NRXN1: variants seen among roughly 807,000 people sequenced by gnomAD.
NRXN1 encodes the protein neurexin 1, also known as neurexin-1.
Under a neutral mutation model 150.9 loss-of-function variants are expected in NRXN1, and 39 were observed. That is an observed-to-expected ratio of 0.26 (90% CI 0.20 to 0.34). The LOEUF is 0.34. NRXN1 is among the 10% of genes least tolerant of loss of function. The pLI is 1.00. For synonymous variants in NRXN1, 924 were observed against 757.0 expected (o/e 1.22, Z -3.62); for missense variants, 1,815 against 1,949.9 (o/e 0.93, Z 1.30).
chr2:50,865,610 G>C (rs1233567467), intron 5 of NRXN1, among the ~76,000 whole-genome samples: 1 of 137,598 alleles, frequency 7.3e-6, no homozygotes, highest in African/African-American at 2.7e-5. Context: ...GTGTGTGTGT[G>C]TGTGTAGTAG....
intron 17 of NRXN1, among the ~76,000 whole-genome samples, chr2:50,434,045 T>C (rs4971558): frequency 0.31 from 19,740 of 64,228 alleles, 3,132 homozygotes; most frequent in East Asian, 0.73. Context: ...TCTAAGCCAT[T>C]TTTTTTTTTT....
chr2:50,731,690 G>A lies in NRXN1; in HGVS notation c.833-108075C>T, dbSNP rs530995758. Among the ~76,000 whole-genome samples the A allele has an allele frequency of 3.3e-5, 5 of 152,232 alleles. No individual in the cohort carries two copies. In the South Asian group the frequency reaches 1.0e-3, roughly 32 times the overall value. ...TGTGTCAGACTAAGAGTGAAACCTG[G>A]AAACCTGCATTTCAAAGATACTTCC... On this transcript the variant is annotated intron_variant, in intron 5 of 22. Coordinates refer to ENST00000401669, the MANE Select transcript of NRXN1 (RefSeq NM_001330078.2).
intron 18 of NRXN1, among the ~76,000 whole-genome samples, chr2:50,215,742 G>C (rs12992667): frequency 0.12 from 18,832 of 151,938 alleles, 1,413 homozygotes; most frequent in East Asian, 0.16. Context: ...AAAAAATCAG[G>C]ACAATCTAAA....
At chr2:50,882,250 A>C (rs975698755) in intron 5 of NRXN1, among the ~76,000 whole-genome samples, 3 of 151,886 alleles carry the variant, frequency 2.0e-5, no homozygotes, top group African/African-American at 7.2e-5. Flanking sequence ...GTATTTTATC[A>C]CTAACATCAC....
intron 17 of NRXN1, among the ~76,000 whole-genome samples, chr2:50,264,910 C>T (rs1391753888): frequency 6.6e-6 from 1 of 152,048 alleles, no homozygotes; most frequent in Non-Finnish European, 1.5e-5. Context: ...CTTGACTAAT[C>T]ACATGTGAAA....
intron 5 of NRXN1, among the ~76,000 whole-genome samples, chr2:50,653,568 G>C (rs750736250): frequency 3.3e-5 from 5 of 151,848 alleles, no homozygotes; most frequent in Admixed American, 6.6e-5. Context: ...AGGCAGTTTT[G>C]GCCAAACTTA....
At chr2:50,461,232 G>A (rs1374022152) in intron 17 of NRXN1, among the ~76,000 whole-genome samples, 1 of 151,888 alleles carries the variant, frequency 6.6e-6, no homozygotes, top group African/African-American at 2.4e-5. Context: ...ATTCCTATCA[G>A]AAAGATTTTC....
chr2:50,604,089 T>C (rs1411255105), intron 8 of NRXN1, among the ~76,000 whole-genome samples: 1 of 152,186 alleles, frequency 6.6e-6, no homozygotes, highest in Non-Finnish European at 1.5e-5. Flanking sequence ...CTACACTGTA[T>C]CTCCCACTGG....
chr2:50,151,237 C>G (rs2058677883), intron 18 of NRXN1, among the ~76,000 whole-genome samples: 1 of 151,618 alleles, frequency 6.6e-6, no homozygotes, highest in South Asian at 2.1e-4. Flanking sequence ...ATTCTGGGAG[C>G]CAATAAATCT....
At chr2:50,148,704 G>A (rs957582182) in intron 18 of NRXN1, among the ~76,000 whole-genome samples, 1 of 151,698 alleles carries the variant, frequency 6.6e-6, no homozygotes, top group Non-Finnish European at 1.5e-5. Context: ...TGATGCTACT[G>A]TTCACACTGT....
chr2:50,382,705 A>T (rs2081057500), intron 17 of NRXN1, among the ~76,000 whole-genome samples: 1 of 152,186 alleles, frequency 6.6e-6, no homozygotes, highest in Admixed American at 6.5e-5. Context: ...TATACGTATC[A>T]TCTGAAGTTC....
At chr2:50,220,936 T>A (rs2152857697) in intron 18 of NRXN1, among the ~76,000 whole-genome samples, 1 of 152,092 alleles carries the variant, frequency 6.6e-6, no homozygotes, top group Non-Finnish European at 1.5e-5. Flanking sequence ...CAATTAAATA[T>A]CCTGCCCACC....
intron 21 of NRXN1, among the ~76,000 whole-genome samples, chr2:50,006,679 G>GT (rs1684821640): frequency 6.6e-6 from 1 of 152,144 alleles, no homozygotes; most frequent in Non-Finnish European, 1.5e-5. Context: ...AATGATGTAT[G>GT]TCAAGAATGT....
chr2:50,760,961 T>A (rs1487901281), intron 5 of NRXN1, among the ~76,000 whole-genome samples: 1 of 151,906 alleles, frequency 6.6e-6, no homozygotes, highest in Non-Finnish European at 1.5e-5. Context: ...TCACCTACAG[T>A]CTTGTTCTCT....
At chr2:50,874,205 G>C (rs1020194364) in intron 5 of NRXN1, among the ~76,000 whole-genome samples, 1 of 151,794 alleles carries the variant, frequency 6.6e-6, no homozygotes, top group Non-Finnish European at 1.5e-5. Flanking sequence ...TCTTGATTTA[G>C]GATTTTCACT....
At chr2:50,629,575 T>C (rs1054812993) in intron 5 of NRXN1, among the ~76,000 whole-genome samples, 1 of 151,738 alleles carries the variant, frequency 6.6e-6, no homozygotes, top group African/African-American at 2.4e-5. Flanking sequence ...TTAATTTACC[T>C]GGACATTTAT....
At chr2:50,407,092 T>TA (rs746334269) in intron 17 of NRXN1, among the ~76,000 whole-genome samples, 18 of 152,136 alleles carry the variant, frequency 1.2e-4, no homozygotes, top group Non-Finnish European at 2.1e-4. Context: ...TATACATTTT[T>TA]TAAAAAATTA....
intron 8 of NRXN1, among the ~76,000 whole-genome samples, chr2:50,572,476 A>G (rs2105466805): frequency 6.6e-6 from 1 of 152,284 alleles, no homozygotes; most frequent in South Asian, 2.1e-4. Context: ...TATATGAATG[A>G]TTTCAAAGTT....
At chr2:50,449,116 T>C (rs1229091348) in intron 17 of NRXN1, among the ~76,000 whole-genome samples, 1 of 152,184 alleles carries the variant, frequency 6.6e-6, no homozygotes, top group Non-Finnish European at 1.5e-5. Flanking sequence ...AAATTCACAA[T>C]AAATCTTTGA....
Sources: gnomAD v4.1 joint callset for allele counts (sites outside exome capture counted in the v4.1 genomes callset) on GRCh38, gnomAD v4.1.1 for gene constraint, MANE v1.5 for transcripts, NCBI Gene and HGNC (gene_info 2026-07-23, HGNC 2026-07-21) for gene names.